CSMD1: variants seen among roughly 807,000 people sequenced by gnomAD.
CSMD1 encodes CUB and sushi domain-containing protein 1.
A neutral mutation model predicts 417.5 loss-of-function variants in CSMD1; 213 were observed. That is an observed-to-expected ratio of 0.51 (90% CI 0.46 to 0.57). The LOEUF (loss-of-function observed/expected upper bound fraction) is 0.57. Ranked by LOEUF, CSMD1 falls within the 20% of genes least tolerant of loss-of-function variation. The pLI is 0.00. For missense variants in CSMD1, 6,923 were observed against 4,529.7 expected (o/e 1.53, Z -15.17); for synonymous variants, 2,862 against 1,736.8 (o/e 1.65, Z -16.11).
chr8:3,776,920 G>T (rs1433380798), intron 5 of CSMD1, among the ~76,000 whole-genome samples: 8 of 151,436 alleles, frequency 5.3e-5, no homozygotes, highest in African/African-American at 1.9e-4. Flanking sequence ...TCACCATGTT[G>T]CCCAGCCTGG....
chr8:4,841,266 C>A (rs1415888414), intron 1 of CSMD1, among the ~76,000 whole-genome samples: 1 of 152,198 alleles, frequency 6.6e-6, no homozygotes, highest in African/African-American at 2.4e-5. Flanking sequence ...ACCAATGCAG[C>A]CTTTGGTTAT....
chr8:4,744,066 T>G (rs1731852105), intron 1 of CSMD1, among the ~76,000 whole-genome samples: 1 of 152,200 alleles, frequency 6.6e-6, no homozygotes, highest in Non-Finnish European at 1.5e-5. Flanking sequence ...GCGGCTTTGA[T>G]GATGATTCAA....
At chr8:4,019,622 C>T (rs1796690762) in intron 4 of CSMD1, among the ~76,000 whole-genome samples, 1 of 152,138 alleles carries the variant, frequency 6.6e-6, no homozygotes, top group African/African-American at 2.4e-5. Flanking sequence ...AAGTGATTTC[C>T]TTGAAATGCA....
intron 2 of CSMD1, among the ~76,000 whole-genome samples, chr8:4,519,532 G>C (rs1320406735): frequency 6.6e-6 from 1 of 151,562 alleles, no homozygotes; most frequent in Non-Finnish European, 1.5e-5. Context: ...CTGAGGTCAG[G>C]AGTTCAAGAC....
intron 3 of CSMD1, among the ~76,000 whole-genome samples, chr8:4,075,452 T>G (rs1563090172): frequency 6.6e-6 from 1 of 152,146 alleles, no homozygotes; most frequent in Non-Finnish European, 1.5e-5. Flanking sequence ...AATGTAAATG[T>G]TTTCTGTCCA....
intron 3 of CSMD1, among the ~76,000 whole-genome samples, chr8:4,265,050 G>A (rs978893945): frequency 1.3e-5 from 2 of 152,098 alleles, no homozygotes; most frequent in Non-Finnish European, 2.9e-5. Flanking sequence ...GGTCAGATTT[G>A]CCTTGATACA....
chr8:3,443,261 G>C (rs750170991), intron 12 of CSMD1, among the ~76,000 whole-genome samples: 11 of 152,150 alleles, frequency 7.2e-5, no homozygotes, highest in Non-Finnish European at 1.2e-4. Flanking sequence ...TCAATAGATG[G>C]GTTGGAAGAC....
intron 17 of CSMD1, among the ~76,000 whole-genome samples, chr8:3,394,141 C>A (rs1330419654): frequency 1.4e-5 from 2 of 143,388 alleles, no homozygotes; most frequent in East Asian, 2.0e-4. Context: ...CTGCCCTCTA[C>A]TTTTAAACAC....
chr8:3,852,130 G>A (rs541626092), intron 5 of CSMD1, among the ~76,000 whole-genome samples: 75 of 152,200 alleles, frequency 4.9e-4, no homozygotes, highest in African/African-American at 1.7e-3. Context: ...AAAAACCATC[G>A]ATACAAATAC....
intron 68 of CSMD1, among the ~76,000 whole-genome samples, chr8:2,947,716 G>C (rs972759160): frequency 2.0e-5 from 3 of 152,232 alleles, no homozygotes; most frequent in South Asian, 4.1e-4. Context: ...AGAGAAAGGA[G>C]GACAAATAAC....
At chr8:4,341,838 G>A (rs1800495323) in intron 3 of CSMD1, among the ~76,000 whole-genome samples, 1 of 152,032 alleles carries the variant, frequency 6.6e-6, no homozygotes, top group South Asian at 2.1e-4. Context: ...CATAATAACA[G>A]AAGGATGCTT....
At chr8:4,230,090 T>A (rs1801621143) in intron 3 of CSMD1, among the ~76,000 whole-genome samples, 1 of 152,202 alleles carries the variant, frequency 6.6e-6, no homozygotes, top group Non-Finnish European at 1.5e-5. Flanking sequence ...CTTATTAGAC[T>A]ACAAGCCTTA....
chr8:4,003,013 A>G (rs1815814247), intron 4 of CSMD1, among the ~76,000 whole-genome samples: 1 of 110,604 alleles, frequency 9.0e-6, no homozygotes, highest in East Asian at 3.0e-4. Context: ...AAATAAATGT[A>G]TAAAAATAAA....
At chr8:3,410,319 T>C (rs1430516846) in intron 12 of CSMD1, among the ~76,000 whole-genome samples, 1 of 152,208 alleles carries the variant, frequency 6.6e-6, no homozygotes, top group African/African-American at 2.4e-5. Context: ...AGGTAAGGGC[T>C]TAGTGAATAA....
intron 3 of CSMD1, among the ~76,000 whole-genome samples, chr8:4,277,357 T>C (rs1002798407): frequency 6.6e-6 from 1 of 152,140 alleles, no homozygotes; most frequent in African/African-American, 2.4e-5. Context: ...CACTCCTCTT[T>C]CGTGCCTCAT....
At chr8:2,960,935 G>T (rs1803402118) in intron 62 of CSMD1, among the ~76,000 whole-genome samples, 1 of 81,764 alleles carries the variant, frequency 1.2e-5, no homozygotes, top group Non-Finnish European at 2.6e-5. Flanking sequence ...TATCTAGTAA[G>T]CAAGATATAT....
chr8:4,743,386 A>G (rs1045046294), intron 1 of CSMD1, among the ~76,000 whole-genome samples: 1 of 152,186 alleles, frequency 6.6e-6, no homozygotes, highest in Admixed American at 6.5e-5. Context: ...GGAAATTATC[A>G]TCATGAAACA....
intron 52 of CSMD1, among the ~76,000 whole-genome samples, chr8:3,002,520 A>G (rs775094720): frequency 5.3e-5 from 8 of 152,206 alleles, no homozygotes; most frequent in Non-Finnish European, 1.0e-4. Context: ...GAAGCCTGGA[A>G]CCACTCCAAG....
intron 5 of CSMD1, among the ~76,000 whole-genome samples, chr8:3,889,974 G>T (rs868000589): frequency 7.2e-5 from 11 of 152,050 alleles, no homozygotes; most frequent in African/African-American, 2.4e-4. Flanking sequence ...CTTGAACCCA[G>T]GAGCTCGAGA....
Sources: gnomAD v4.1 joint callset for allele counts (sites outside exome capture counted in the v4.1 genomes callset) on GRCh38, gnomAD v4.1.1 for gene constraint, MANE v1.5 for transcripts, NCBI Gene and HGNC (gene_info 2026-07-23, HGNC 2026-07-21) for gene names.